CHODL: variants seen among roughly 807,000 people sequenced by gnomAD.
CHODL encodes the protein chondrolectin, also known as transmembrane protein MT75.
In CHODL, 29 loss-of-function variants were observed where a neutral mutation model predicts 34.5. That is an observed-to-expected ratio of 0.84 (90% CI 0.63 to 1.15). The LOEUF (loss-of-function observed/expected upper bound fraction) is 1.15, where lower values mean the gene tolerates loss of function less well. Ranked by LOEUF, CHODL falls within the 50% of genes most tolerant of loss-of-function variation. The pLI is 0.00. For missense variants in CHODL, 332 were observed against 332.5 expected, an observed-to-expected ratio of 1.00 and a Z score of 0.01; for synonymous variants, 125 against 116.1, an observed-to-expected ratio of 1.08 and a Z score of -0.49.
At chr21:18,053,841 T>C (rs1234067623) in intron 2 of CHODL, among the ~76,000 whole-genome samples, 5 of 151,842 alleles carry the variant, frequency 3.3e-5, no homozygotes, top group Non-Finnish European at 7.4e-5. Flanking sequence ...CCACTACACA[T>C]TTTCAGCACT....
At chr21:17,943,188 G>A (rs1414646295) in intron 1 of CHODL, among the ~76,000 whole-genome samples, 1 of 152,200 alleles carries the variant, frequency 6.6e-6, no homozygotes, top group African/African-American at 2.4e-5. Context: ...CTTTAGTAAT[G>A]AAGATTATTC....
At chr21:18,112,215 A>C (rs908500778) in intron 2 of CHODL, among the ~76,000 whole-genome samples, 1 of 152,184 alleles carries the variant, frequency 6.6e-6, no homozygotes, top group African/African-American at 2.4e-5. Flanking sequence ...AGAGTCAGTT[A>C]AGGCTTTATA....
intron 1 of CHODL, among the ~76,000 whole-genome samples, chr21:17,923,814 A>T (rs1480212084): frequency 6.6e-6 from 1 of 152,190 alleles, no homozygotes; most frequent in Non-Finnish European, 1.5e-5. Flanking sequence ...ACTTGTTCTT[A>T]AGTAGCCCTA....
chr21:18,241,996 CT>C (rs796754504), upstream of CHODL, among the ~76,000 whole-genome samples: 1,067 of 141,836 alleles, frequency 7.5e-3, 9 homozygotes, highest in South Asian at 0.059. Context: ...TCATTTGAGT[CT>C]TTTTTTTTTT....
intron 2 of CHODL, among the ~76,000 whole-genome samples, chr21:18,135,824 T>C (rs1277908547): frequency 1.3e-5 from 2 of 152,092 alleles, no homozygotes; most frequent in East Asian, 3.9e-4. Context: ...AATAAGAATT[T>C]CTGGCCAGGC....
chr21:17,994,585 T>C (rs1343703077), intron 1 of CHODL, among the ~76,000 whole-genome samples: 2 of 151,846 alleles, frequency 1.3e-5, no homozygotes, highest in Non-Finnish European at 2.9e-5. Flanking sequence ...GACTGAGAGG[T>C]CTAATTTCCA....
chr21:18,255,520 A>G (rs1054987191), intron 1 of CHODL, among the ~76,000 whole-genome samples: 4 of 152,104 alleles, frequency 2.6e-5, no homozygotes, highest in African/African-American at 9.7e-5. Context: ...AATTGTTTTG[A>G]GCTAATAATT....
intron 2 of CHODL, among the ~76,000 whole-genome samples, chr21:18,122,963 GT>G (rs1280661520): frequency 6.6e-6 from 1 of 152,118 alleles, no homozygotes; most frequent in African/African-American, 2.4e-5. Flanking sequence ...TATTTGGATG[GT>G]TATTTTACTT....
intron 2 of CHODL, among the ~76,000 whole-genome samples, chr21:18,050,410 T>C (rs17002299): frequency 0.029 from 4,410 of 152,080 alleles, 211 homozygotes; most frequent in African/African-American, 0.1. Flanking sequence ...ACTCTTACTC[T>C]TACTGCTGTG....
intron 2 of CHODL, among the ~76,000 whole-genome samples, chr21:18,035,471 G>A (rs1019536369): frequency 2.6e-5 from 4 of 151,840 alleles, no homozygotes; most frequent in Admixed American, 6.6e-5. Flanking sequence ...TTTGTTGAAC[G>A]TTTTGGATCA....
At chr21:17,953,956 C>T (rs895404576) in intron 1 of CHODL, among the ~76,000 whole-genome samples, 1 of 152,064 alleles carries the variant, frequency 6.6e-6, no homozygotes, top group Admixed American at 6.6e-5. Context: ...GTTGCATGAG[C>T]TGAGACTGTG....
At chr21:18,031,487 C>T (rs1600916760) in intron 2 of CHODL, among the ~76,000 whole-genome samples, 1 of 151,812 alleles carries the variant, frequency 6.6e-6, no homozygotes. Flanking sequence ...CTAATATGAC[C>T]CAGCTGGGGC....
At chr21:18,180,391 T>C (rs1372561089) in intron 2 of CHODL, among the ~76,000 whole-genome samples, 1 of 152,110 alleles carries the variant, frequency 6.6e-6, no homozygotes, top group East Asian at 1.9e-4. Context: ...GCAATCCTCC[T>C]GCTGGGCCTC....
rs1004928285 is a variant in CHODL at position 18,232,949 on chromosome 21, A to T, written c.-44-23560A>T. Among the ~76,000 whole-genome samples, 475 of 137,544 alleles carry T rather than the reference A, an allele frequency of 3.5e-3. 12 individuals are homozygous for T. The highest frequency in any genetic ancestry group is 0.013 in the African/African-American group (436 of 33,458). 90.2% of individuals were successfully genotyped at this position (137,544 alleles called of 152,430 possible). On this transcript the variant is annotated intron_variant, in intron 2 of 6. Coordinates refer to the CHODL transcript ENST00000400127. ...GGGTCCACATGATGTTATGATATAT[A>T]TATATATATATATATATATATATGT...
chr21:18,126,908 A>C (rs932386469), intron 2 of CHODL, among the ~76,000 whole-genome samples: 86 of 152,360 alleles, frequency 5.6e-4, no homozygotes, highest in Non-Finnish European at 1.6e-4. Context: ...CAGACTCTAC[A>C]GAAATCCTGG....
chr21:18,220,594 C>G (rs531234061), intron 2 of CHODL, among the ~76,000 whole-genome samples: 10 of 151,962 alleles, frequency 6.6e-5, no homozygotes, highest in African/African-American at 2.4e-4. Context: ...TAGGCCTGAT[C>G]TAGTCATGAA....
At chr21:18,162,467 AAG>A (rs1303263652) in intron 2 of CHODL, among the ~76,000 whole-genome samples, 4 of 143,362 alleles carry the variant, frequency 2.8e-5, no homozygotes, top group Non-Finnish European at 4.6e-5. Context: ...CTGTGTATGT[AAG>A]TGTGTGTGTC....
intron 2 of CHODL, among the ~76,000 whole-genome samples, chr21:18,127,896 CT>C (rs1472537380): frequency 6.6e-6 from 1 of 151,772 alleles, no homozygotes; most frequent in East Asian, 1.9e-4. Flanking sequence ...CAACATAAAC[CT>C]GATGGGAGTT....
intron 2 of CHODL, among the ~76,000 whole-genome samples, chr21:18,159,975 A>G (rs2073077095): frequency 6.6e-6 from 1 of 152,190 alleles, no homozygotes; most frequent in South Asian, 2.1e-4. Context: ...TTTAACCTGA[A>G]AAGATCCTCA....
Sources: allele counts gnomAD v4.1 joint callset (sites outside exome capture counted in the v4.1 genomes callset), GRCh38; gene constraint gnomAD v4.1.1; transcripts MANE v1.5; gene names NCBI Gene and HGNC (gene_info 2026-07-23, HGNC 2026-07-21).